PRSS12: variants seen among roughly 807,000 people sequenced by gnomAD.
The protein encoded by PRSS12 is neurotrypsin.
A neutral mutation model predicts 104.4 loss-of-function variants in PRSS12; 85 were observed. That is an observed-to-expected ratio of 0.81 (90% CI 0.68 to 0.98). PRSS12 has a LOEUF of 0.98. Ranked by LOEUF, PRSS12 falls within the 50% of genes least tolerant of loss-of-function variation. The pLI, the probability that PRSS12 is intolerant of heterozygous loss-of-function variation, is 0.00. For synonymous variants in PRSS12, 454 were observed against 425.2 expected (o/e 1.07, Z -0.83); for missense variants, 1,141 against 1,139.2 (o/e 1.00, Z -0.02).
At chr4:118,324,521 T>C (rs1033718219) in intron 4 of PRSS12, among the ~76,000 whole-genome samples, 1 of 152,074 alleles carries the variant, frequency 6.6e-6, no homozygotes, top group Non-Finnish European at 1.5e-5. Flanking sequence ...ATACATTAAT[T>C]ATTACATGAC....
intron 8 of PRSS12, chr4:118,306,121 G>T (rs912223072): frequency 1.3e-5 from 2 of 152,082 alleles, no homozygotes; most frequent in African/African-American, 4.8e-5. Context: ...AACTTTTTGA[G>T]GAACTGTTTT....
At chr4:118,339,797 A>G (rs902633619) in intron 1 of PRSS12, among the ~76,000 whole-genome samples, 8 of 152,200 alleles carry the variant, frequency 5.3e-5, no homozygotes, top group Admixed American at 4.6e-4. Flanking sequence ...TTATATCACA[A>G]AATCTCTTCT....
rs1310064667 is a variant in PRSS12 at position 118,318,444 on chromosome 4, T to C, written c.1084A>G (p.Ser362Gly). The change falls in exon 5 of 13, where the codon AGC becomes GGC. Residue 362 changes from serine (S) to glycine (G), a missense_variant. Transcript: ENST00000296498. ...CCACAGTTATGCTCTCCCCAGGAGC[T>C]CTTTGGACACTGCTCAATTGAAAGC... The part of the protein sequence containing the change: ...NELSIEQCPK[S>G]SWGEHNCGHK... The C allele has an allele frequency of 5.0e-6, 8 of 1,614,030 alleles. No homozygotes were observed. Among genetic ancestry groups the C allele is most frequent in the Non-Finnish European group, 6.8e-6 (8 of 1,180,022 alleles).
Position 118,339,746 on chromosome 4 carries a change from G to C in PRSS12, c.503-1432C>G, listed in dbSNP as rs189088956. On this transcript the variant is annotated intron_variant, in intron 1 of 12. Coordinates refer to ENST00000296498, the MANE Select transcript of PRSS12 (RefSeq NM_003619.4). Reference sequence around the variant, plus strand: ...AGTATGAACTACAGAATATTTTTAAGGAAGTATTTCTGAAGAGTTCAACTG... The same window carrying C: ...AGTATGAACTACAGAATATTTTTAACGAAGTATTTCTGAAGAGTTCAACTG... 2.0e-5 allele frequency among the ~76,000 whole-genome samples: 3 copies of C among 152,236 alleles called. No individual in the cohort carries two copies. In the East Asian group the frequency reaches 5.8e-4, roughly 29 times the overall value.
At chr4:118,316,837 A>ATATATATAT (rs768370790) in intron 5 of PRSS12, among the ~76,000 whole-genome samples, 1 of 99,192 alleles carries the variant, frequency 1.0e-5, no homozygotes, top group African/African-American at 3.5e-5. Flanking sequence ...AAAAAAAAAA[A>ATATATATAT]ATATATATAT....
intron 1 of PRSS12, among the ~76,000 whole-genome samples, chr4:118,346,393 T>C (rs927874650): frequency 1.3e-5 from 2 of 151,760 alleles, no homozygotes; most frequent in African/African-American, 4.8e-5. Context: ...TTCACAGTCA[T>C]AATGTATTAT....
chr4:118,282,169 T>TA lies in PRSS12; in HGVS notation c.2394dup (p.Lys799Ter), dbSNP rs1160215072. On this transcript the variant is annotated frameshift_variant, in exon 13 of 13. Transcript: ENST00000296498. LOFTEE classifies it high-confidence loss of function. ...AGCATTCTCCCTGTAAACCGACCCTTATAACGTTCTTCACAAAACCTTTTA... is the reference window on the plus strand; with the variant it reads ...AGCATTCTCCCTGTAAACCGACCCTTAATAACGTTCTTCACAAAACCTTTTA... 5.6e-6 allele frequency: 9 copies of TA among 1,614,210 alleles called. No homozygotes were observed. The Admixed American group carries it at 1.5e-4, about 27-fold the overall frequency.
chr4:118,341,792 A>T (rs1270679845), intron 1 of PRSS12, among the ~76,000 whole-genome samples: 1 of 152,204 alleles, frequency 6.6e-6, no homozygotes, highest in Non-Finnish European at 1.5e-5. Flanking sequence ...AGCCATGATC[A>T]ACTATCTCCT....
intron 1 of PRSS12, among the ~76,000 whole-genome samples, chr4:118,347,985 T>C (rs1266663762): frequency 6.6e-6 from 1 of 152,202 alleles, no homozygotes; most frequent in Admixed American, 6.5e-5. Flanking sequence ...ATTCCAGTAC[T>C]CTGGGAGGCC....
chr4:118,301,810 T>C (rs182275557), intron 8 of PRSS12, among the ~76,000 whole-genome samples: 12 of 152,316 alleles, frequency 7.9e-5, no homozygotes, highest in Admixed American at 7.8e-4. Flanking sequence ...TTTTATCTTG[T>C]TACATTAATA....
chr4:118,282,822 A>G lies in PRSS12; in HGVS notation c.2320+9T>C, dbSNP rs2126025213. On this transcript the variant is annotated intron_variant, in intron 12 of 12. Coordinates refer to ENST00000296498, the MANE Select transcript of PRSS12 (RefSeq NM_003619.4). ...AAAAGGTGCCCTGCTTTTTTTGATTATGCCTTACCTGTGTCACCCCATCCT... is the reference window on the plus strand; with the variant it reads ...AAAAGGTGCCCTGCTTTTTTTGATTGTGCCTTACCTGTGTCACCCCATCCT... 1 of 1,614,050 alleles carries G rather than the reference A, an allele frequency of 6.2e-7. No individual in the cohort carries two copies. Among genetic ancestry groups the G allele is most frequent in the South Asian group, 1.1e-5 (1 of 91,084 alleles).
chr4:118,296,007 T>G (rs957073377), intron 9 of PRSS12, 151 bp from the exon 10 acceptor site: 4 of 739,510 alleles, frequency 5.4e-6, no homozygotes, highest in East Asian at 5.4e-5. Flanking sequence ...AATAGTTTTC[T>G]CATTTGACTA....
chr4:118,322,687 G>T (rs1356351392), intron 4 of PRSS12, among the ~76,000 whole-genome samples: 2 of 151,936 alleles, frequency 1.3e-5, no homozygotes, highest in Non-Finnish European at 2.9e-5. Context: ...TGTATTATTT[G>T]TAATATGTTT....
chr4:118,340,993 T>G (rs1057041754), intron 1 of PRSS12, among the ~76,000 whole-genome samples: 1 of 152,208 alleles, frequency 6.6e-6, no homozygotes, highest in African/African-American at 2.4e-5. Flanking sequence ...GGGGGTCTTA[T>G]GTAATCAAAC....
intron 8 of PRSS12, among the ~76,000 whole-genome samples, chr4:118,300,778 T>C (rs1301124509): frequency 6.6e-6 from 1 of 152,134 alleles, no homozygotes; most frequent in Non-Finnish European, 1.5e-5. Context: ...TACTTTCTAG[T>C]AGAGAATAAT....
chr4:118,320,777 A>G (rs1238014485), intron 4 of PRSS12, among the ~76,000 whole-genome samples: 1 of 152,076 alleles, frequency 6.6e-6, no homozygotes, highest in East Asian at 1.9e-4. Context: ...AATAACAACA[A>G]TATCATTAAA....
intron 11 of PRSS12, among the ~76,000 whole-genome samples, chr4:118,284,511 C>T (rs958168282): frequency 2.0e-5 from 3 of 152,224 alleles, no homozygotes; most frequent in African/African-American, 7.2e-5. Flanking sequence ...CTCAGCCACA[C>T]ACTTACAATG....
chr4:118,332,553 G>T (rs1358089569), intron 3 of PRSS12, among the ~76,000 whole-genome samples: 5 of 152,040 alleles, frequency 3.3e-5, no homozygotes, highest in Admixed American at 2.0e-4. Context: ...CACACTAAGG[G>T]ACTTCCTATT....
chr4:118,309,915 C>CT (rs1383791351), intron 7 of PRSS12, among the ~76,000 whole-genome samples: 2 of 152,224 alleles, frequency 1.3e-5, no homozygotes, highest in African/African-American at 4.8e-5. Context: ...CTCCATCCTT[C>CT]TGTGTTGCCC....
Sources: allele counts gnomAD v4.1 joint callset (sites outside exome capture counted in the v4.1 genomes callset), GRCh38; gene constraint gnomAD v4.1.1; transcripts MANE v1.5; gene names NCBI Gene and HGNC (gene_info 2026-07-23, HGNC 2026-07-21).